Variants in GXYLT1 observed in about 807,000 individuals in gnomAD.
The protein encoded by GXYLT1 is glycosyltransferase 8 domain containing 3.
A neutral mutation model predicts 54.0 loss-of-function variants in GXYLT1; 29 were observed. The ratio of observed to expected loss-of-function variants is 0.54; its 90% CI spans 0.40 to 0.73. The LOEUF (loss-of-function observed/expected upper bound fraction) is 0.73, where lower values mean the gene tolerates loss of function less well. Ranked by LOEUF, GXYLT1 falls within the 30% of genes least tolerant of loss-of-function variation. The pLI, the probability that GXYLT1 is intolerant of heterozygous loss-of-function variation, is 0.00. For missense variants in GXYLT1, 490 were observed against 553.4 expected (o/e 0.89, Z 1.15); for synonymous variants, 176 against 204.1 (o/e 0.86, Z 1.17).
At chr12:42,106,879 G>T (rs375621312) in intron 4 of GXYLT1, among the ~76,000 whole-genome samples, 3 of 150,668 alleles carry the variant, frequency 2.0e-5, no homozygotes, top group African/African-American at 7.3e-5. Flanking sequence ...CTGAGTAACT[G>T]GGATTACAGG....
At chr12:42,127,153 TA>T (rs2065567645) in intron 2 of GXYLT1, among the ~76,000 whole-genome samples, 1 of 152,058 alleles carries the variant, frequency 6.6e-6, no homozygotes, top group South Asian at 2.1e-4. Context: ...AAAGTGGTAG[TA>T]AAGGGGAATT....
At position 42,082,921 on chromosome 12, in the gene GXYLT1, G is replaced by C. The variant is rs1336505610; in HGVS notation, c.*4865C>G. 6.6e-6 allele frequency: 1 copy of C among 152,120 alleles called. No individual in the cohort carries two copies. The highest frequency in any genetic ancestry group is 1.5e-5 in the Non-Finnish European group (1 of 68,022). The allele number at this position is 152,120 out of a possible 1,614,324, so 9.4% of individuals were successfully genotyped here. A position where few individuals can be genotyped will look rare whatever the true frequency, so the allele number is the denominator to read the frequency against. On this transcript the variant is annotated 3_prime_UTR_variant, in exon 8 of 8. Transcript: ENST00000398675. The stretch of plus-strand genomic sequence containing the variant: ...AGGCTCCATGTCAGTTCTTAAGTTT[G>C]ATATTTAAATGTCTGACCAGGGACC...
At position 42,144,753 on chromosome 12, in the gene GXYLT1, G is replaced by A; in HGVS notation, c.-107C>T. 2 of 781,012 alleles carry A rather than the reference G, an allele frequency of 2.6e-6. No homozygotes were observed. The highest frequency in any genetic ancestry group is 3.5e-6 in the Non-Finnish European group (2 of 565,752). 48.4% of individuals were successfully genotyped at this position (781,012 alleles called of 1,614,324 possible). A position where few individuals can be genotyped will look rare whatever the true frequency, so the allele number is the denominator to read the frequency against. Reference sequence around the variant, plus strand: ...CGCGGGCGCAACAAGTTCCTCACCCGCAGCCGCCGCCGCCGCCTTGCGCCC... The same window carrying A: ...CGCGGGCGCAACAAGTTCCTCACCCACAGCCGCCGCCGCCGCCTTGCGCCC... On this transcript the variant is annotated 5_prime_UTR_variant, in exon 1 of 8. Coordinates refer to ENST00000398675, the MANE Select transcript of GXYLT1 (RefSeq NM_173601.2).
At chr12:42,113,697 A>G (rs2065473903) in intron 3 of GXYLT1, among the ~76,000 whole-genome samples, 1 of 150,924 alleles carries the variant, frequency 6.6e-6, no homozygotes, top group Non-Finnish European at 1.5e-5. Context: ...TTAACACCCC[A>G]CTGTCAACAT....
intron 1 of GXYLT1, among the ~76,000 whole-genome samples, chr12:42,138,036 G>A (rs965648685): frequency 6.6e-6 from 1 of 152,186 alleles, no homozygotes; most frequent in African/African-American, 2.4e-5. Flanking sequence ...GGGAGTCTGA[G>A]GCAGGCAGAT....
At chr12:42,091,673 T>C (rs1285074264) in intron 7 of GXYLT1, among the ~76,000 whole-genome samples, 1 of 152,248 alleles carries the variant, frequency 6.6e-6, no homozygotes, top group Non-Finnish European at 1.5e-5. Context: ...ACTGATTGTT[T>C]AGAAGCTGTA....
chr12:42,134,235 T>TA (rs918368477), intron 1 of GXYLT1, among the ~76,000 whole-genome samples: 6 of 151,648 alleles, frequency 4.0e-5, no homozygotes, highest in Non-Finnish European at 8.8e-5. Context: ...GAAGAAAAAG[T>TA]AAAAAAATGA....
chr12:42,142,379 C>G (rs2065656582), intron 1 of GXYLT1, among the ~76,000 whole-genome samples: 1 of 151,624 alleles, frequency 6.6e-6, no homozygotes, highest in South Asian at 2.1e-4. Context: ...CTCTGTCACC[C>G]AGGTTGGATT....
intron 3 of GXYLT1, among the ~76,000 whole-genome samples, chr12:42,110,189 A>T (rs559484648): frequency 2.0e-5 from 3 of 152,254 alleles, no homozygotes; most frequent in Non-Finnish European, 4.4e-5. Flanking sequence ...TCTGATACAT[A>T]GCCAATGCCA....
chr12:42,144,374 G>A, intron 1 of GXYLT1, 52 bp downstream of exon 1: 2 of 1,240,324 alleles, frequency 1.6e-6, no homozygotes, highest in African/African-American at 1.6e-5. Context: ...GGCCGAGCCC[G>A]CGCCCAGCGC....
chr12:42,137,503 C>CAAAAA (rs34628599), intron 1 of GXYLT1, among the ~76,000 whole-genome samples: 17 of 71,640 alleles, frequency 2.4e-4, no homozygotes, highest in Non-Finnish European at 3.7e-4. Flanking sequence ...GCATCTGTTT[C>CAAAAA]AAAAAAAAAA....
chr12:42,129,449 A>G (rs180943018), intron 2 of GXYLT1, among the ~76,000 whole-genome samples: 1 of 152,278 alleles, frequency 6.6e-6, no homozygotes, highest in Non-Finnish European at 1.5e-5. Context: ...ATATCTGTAA[A>G]CGTCAGTAGA....
intron 2 of GXYLT1, among the ~76,000 whole-genome samples, chr12:42,127,317 A>C (rs1457775989): frequency 6.6e-6 from 1 of 151,190 alleles, no homozygotes; most frequent in Non-Finnish European, 1.5e-5. Flanking sequence ...TAAGTTTGAG[A>C]AATTTTTACA....
Position 42,144,449 on chromosome 12 carries a change from TGCGGGGCCCGCGACGCCGGCGCCTCTC to T in GXYLT1, c.171_197del (p.Arg58_Ala66del). On this transcript the variant is annotated inframe_deletion, in exon 1 of 8. Transcript: ENST00000398675. The stretch of plus-strand genomic sequence containing the variant: ...ACCTGTCCGACACGCCGGGATGCGC[TGCGGGGCCCGCGACGCCGGCGCCTCTC>T]ACGGCGCCGCGTCCGCCGCCCGCGA... The T allele has an allele frequency of 2.6e-6, 3 of 1,141,474 alleles. 1 individual carries two copies. The highest frequency in any genetic ancestry group is 3.2e-6 in the Non-Finnish European group (3 of 942,238). 70.7% of individuals were successfully genotyped at this position (1,141,474 alleles called of 1,614,324 possible).
intron 5 of GXYLT1, among the ~76,000 whole-genome samples, chr12:42,101,716 C>T (rs1169848038): frequency 6.6e-6 from 1 of 152,012 alleles, no homozygotes; most frequent in African/African-American, 2.4e-5. Flanking sequence ...GAATTACAGG[C>T]ACCTGCCACC....
rs1032851961 is a variant in GXYLT1 at position 42,097,579 on chromosome 12, G to T, written c.1024C>A (p.Arg342=). Residue 342 remains arginine (R), a synonymous_variant, in exon 7 of 8, where the codon CGA becomes AGA. Transcript: ENST00000398675. The part of the protein sequence containing the change: ...LFVFPCQWNY[R]PDHCIYGSNC... ...CTTCCATATATACAATGATCTGGTC[G>T]ATAATTCCATTGACACGGAAAAACA... 3 of 1,606,730 alleles carry T rather than the reference G, an allele frequency of 1.9e-6. No homozygotes were observed. Among genetic ancestry groups the T allele is most frequent in the Non-Finnish European group, 2.5e-6 (3 of 1,178,144 alleles).
chr12:42,088,795 G>A (rs1219778235), intron 7 of GXYLT1, among the ~76,000 whole-genome samples: 1 of 148,828 alleles, frequency 6.7e-6, no homozygotes, highest in Non-Finnish European at 1.5e-5. Context: ...TGAAGTTGGT[G>A]AAAAATGCAA....
intron 1 of GXYLT1, among the ~76,000 whole-genome samples, chr12:42,141,057 G>A (rs1014582077): frequency 6.6e-6 from 1 of 152,072 alleles, no homozygotes; most frequent in Non-Finnish European, 1.5e-5. Context: ...CTTCTCCTTT[G>A]AGGCACCGCT....
chr12:42,098,487 G>A (rs1044749050), intron 5 of GXYLT1, among the ~76,000 whole-genome samples: 2 of 151,718 alleles, frequency 1.3e-5, no homozygotes, highest in African/African-American at 4.8e-5. Flanking sequence ...ATAATTGGCA[G>A]TTCAAATAGA....
Sources: allele counts gnomAD v4.1 joint callset (sites outside exome capture counted in the v4.1 genomes callset), GRCh38; gene constraint gnomAD v4.1.1; transcripts MANE v1.5; gene names NCBI Gene and HGNC (gene_info 2026-07-23, HGNC 2026-07-21).